The following TGFB2 variants were observed in gnomAD, a reference collection of about 807,000 sequenced individuals.
TGFB2 encodes transforming growth factor beta 2.
A neutral mutation model predicts 42.7 loss-of-function variants in TGFB2; 13 were observed. The observed-to-expected ratio is 0.30, with a 90% CI of 0.20 to 0.48. TGFB2 has a LOEUF of 0.48. Among genes scored for constraint, TGFB2 ranks in the 20% least tolerant of loss-of-function variants. TGFB2 has a pLI of 0.99. For synonymous variants in TGFB2, 193 were observed against 193.6 expected (o/e 1.00, Z 0.03); for missense variants, 390 against 517.5 (o/e 0.75, Z 2.39).
At chr1:218,410,115 A>G (rs1659047745) in intron 2 of TGFB2, among the ~76,000 whole-genome samples, 2 of 152,246 alleles carry the variant, frequency 1.3e-5, no homozygotes, top group South Asian at 4.1e-4. Flanking sequence ...CTGGTGACTC[A>G]CATGTGTGAT....
At chr1:218,359,104 A>C (rs994402154) in intron 1 of TGFB2, among the ~76,000 whole-genome samples, 1 of 152,126 alleles carries the variant, frequency 6.6e-6, no homozygotes, top group South Asian at 2.1e-4. Flanking sequence ...GAGTGCACCA[A>C]ACCTCTGACT....
At chr1:218,367,376 T>G (rs929337164) in intron 1 of TGFB2, among the ~76,000 whole-genome samples, 9 of 152,176 alleles carry the variant, frequency 5.9e-5, no homozygotes, top group African/African-American at 1.9e-4. Flanking sequence ...CCAAACAGTG[T>G]TTTGTTCAAC....
intron 2 of TGFB2, among the ~76,000 whole-genome samples, chr1:218,412,427 T>G (rs1659130366): frequency 6.6e-6 from 1 of 152,142 alleles, no homozygotes; most frequent in South Asian, 2.1e-4. Flanking sequence ...GATATCTGAA[T>G]AGATTAGATT....
intron 4 of TGFB2, 93 bp from the exon 5 acceptor site, chr1:218,435,877 T>C (rs975429638): frequency 7.8e-7 from 1 of 1,282,754 alleles, no homozygotes; most frequent in African/African-American, 1.5e-5. Flanking sequence ...TCATCACTGC[T>C]ATTTGTGACA....
At position 218,444,577 on chromosome 1, in the gene TGFB2, C is replaced by A. The variant is rs974521769; in HGVS notation, c.*3215C>A. The A allele has an allele frequency of 6.6e-6, 1 of 152,168 alleles. No individual in the cohort carries two copies. Among genetic ancestry groups the A allele is most frequent in the Non-Finnish European group, 1.5e-5 (1 of 68,026 alleles). 9.4% of individuals were successfully genotyped at this position (152,168 alleles called of 1,614,324 possible). On this transcript the variant is annotated 3_prime_UTR_variant, in exon 7 of 7. Coordinates refer to ENST00000366930, the MANE Select transcript of TGFB2 (RefSeq NM_003238.6). ...CAGACTCCTCAAACGAGTTGCCAATCTCTTAATAAATAGGATTAATAAAAA... is the reference window on the plus strand; with the variant it reads ...CAGACTCCTCAAACGAGTTGCCAATATCTTAATAAATAGGATTAATAAAAA...
At chr1:218,348,335 A>G (rs1250704364) in intron 1 of TGFB2, among the ~76,000 whole-genome samples, 2 of 152,124 alleles carry the variant, frequency 1.3e-5, no homozygotes, top group Admixed American at 6.5e-5. Flanking sequence ...CCATCTTGGT[A>G]ATTTTCTCTT....
chr1:218,420,639 G>A (rs916594152), intron 2 of TGFB2, among the ~76,000 whole-genome samples: 28 of 152,028 alleles, frequency 1.8e-4, no homozygotes, highest in African/African-American at 3.9e-4. Flanking sequence ...TGTTGTGTGC[G>A]TGTATGTGTG....
chr1:218,378,692 G>A (rs942380050), intron 1 of TGFB2, among the ~76,000 whole-genome samples: 1 of 151,832 alleles, frequency 6.6e-6, no homozygotes, highest in African/African-American at 2.4e-5. Flanking sequence ...CTGCAGCCTG[G>A]AACTCCTGGC....
In TGFB2 at chr1:218,420,740, G is replaced by T. The variant is rs146502073; in HGVS notation, c.511-13342G>T. On this transcript the variant is annotated intron_variant, in intron 2 of 6. Transcript: ENST00000366930. The stretch of plus-strand genomic sequence containing the variant: ...CCATACTGTATCATAATTTCACATG[G>T]GTATGTATAATACAGGTGTATATCA... 2.4e-3 allele frequency among the ~76,000 whole-genome samples: 366 copies of T among 152,064 alleles called. 4 individuals are homozygous for T. The East Asian group carries it at 0.026, about 11-fold the overall frequency.
intron 1 of TGFB2, among the ~76,000 whole-genome samples, chr1:218,359,463 G>A (rs1657144587): frequency 6.6e-6 from 1 of 152,160 alleles, no homozygotes; most frequent in South Asian, 2.1e-4. Flanking sequence ...GGTGACCGGT[G>A]CTAGTTTGTC....
At chr1:218,414,392 T>C (rs1659204934) in intron 2 of TGFB2, among the ~76,000 whole-genome samples, 1 of 152,210 alleles carries the variant, frequency 6.6e-6, no homozygotes, top group Non-Finnish European at 1.5e-5. Context: ...AAAGTCATAC[T>C]GTGCTCCTGT....
At chr1:218,362,730 T>C (rs1657256123) in intron 1 of TGFB2, among the ~76,000 whole-genome samples, 1 of 152,194 alleles carries the variant, frequency 6.6e-6, no homozygotes, top group Non-Finnish European at 1.5e-5. Flanking sequence ...TTAAAGAAAG[T>C]GAAGTTCAAA....
At chr1:218,398,110 G>A (rs1192947875) in intron 1 of TGFB2, among the ~76,000 whole-genome samples, 3 of 152,182 alleles carry the variant, frequency 2.0e-5, no homozygotes, top group African/African-American at 7.2e-5. Context: ...TTGTTAACTA[G>A]GACTGGTTTC....
rs1485324940 is a variant in TGFB2 at position 218,396,914 on chromosome 1, G to A, written c.347-8255G>A. The stretch of plus-strand genomic sequence containing the variant: ...CTATTTTTCCAGTTTAAGAGCTTTA[G>A]AACTCTTCCTCTTTTCTCTGTCTTA... On this transcript the variant is annotated intron_variant, in intron 1 of 6. Coordinates refer to ENST00000366930, the MANE Select transcript of TGFB2 (RefSeq NM_003238.6). Among the ~76,000 whole-genome samples, 4 of 152,308 alleles carry A rather than the reference G, an allele frequency of 2.6e-5. No homozygotes were observed. In the South Asian group the frequency reaches 6.2e-4, roughly 24 times the overall value.
intron 1 of TGFB2, among the ~76,000 whole-genome samples, chr1:218,386,964 C>A (rs1325052477): frequency 6.6e-6 from 1 of 152,140 alleles, no homozygotes; most frequent in Non-Finnish European, 1.5e-5. Context: ...TCCCGTCTAT[C>A]AAGGTGAACA....
At chr1:218,399,009 A>C (rs144093688) in intron 1 of TGFB2, among the ~76,000 whole-genome samples, 1 of 152,098 alleles carries the variant, frequency 6.6e-6, no homozygotes, top group Admixed American at 6.5e-5. Context: ...CAGCCTCCCA[A>C]GTAGGTGGGA....
chr1:218,441,650 G>A lies in TGFB2; in HGVS notation c.*288G>A, dbSNP rs1234235799. The A allele has an allele frequency of 4.1e-6, 1 of 246,570 alleles. No homozygotes were observed. The highest frequency in any genetic ancestry group is 5.2e-5 in the Admixed American group (1 of 19,240). The allele number at this position is 246,570 out of a possible 1,614,324, so 15.3% of individuals were successfully genotyped here. A position where few individuals can be genotyped will look rare whatever the true frequency, so the allele number is the denominator to read the frequency against. On this transcript the variant is annotated 3_prime_UTR_variant, in exon 7 of 7. Coordinates refer to ENST00000366930, the MANE Select transcript of TGFB2 (RefSeq NM_003238.6). Reference sequence around the variant, plus strand: ...TTTTTAAAGAAAAAAATAAACACTGGAAGAATTTATTAGTGTTAATTATGT... The same window carrying A: ...TTTTTAAAGAAAAAAATAAACACTGAAAGAATTTATTAGTGTTAATTATGT...
chr1:218,366,664 A>T (rs1157523915), intron 1 of TGFB2, among the ~76,000 whole-genome samples: 2 of 152,140 alleles, frequency 1.3e-5, no homozygotes, highest in Admixed American at 6.5e-5. Flanking sequence ...TGGGACATCC[A>T]TCAGATTTCT....
chr1:218,414,636 T>C (rs1391045661), intron 2 of TGFB2, among the ~76,000 whole-genome samples: 3 of 152,194 alleles, frequency 2.0e-5, no homozygotes, highest in Non-Finnish European at 4.4e-5. Flanking sequence ...CATTAGGTTA[T>C]AACATTAGTC....
Sources: gnomAD v4.1 joint callset for allele counts (sites outside exome capture counted in the v4.1 genomes callset) on GRCh38, gnomAD v4.1.1 for gene constraint, MANE v1.5 for transcripts, NCBI Gene and HGNC (gene_info 2026-07-23, HGNC 2026-07-21) for gene names.